Variants in SNX13 observed in about 807,000 individuals in gnomAD.
The protein encoded by SNX13 is sorting nexin-13.
SNX13 carries 45 observed loss-of-function variants against 133.6 expected under a neutral mutation model. The ratio of observed to expected loss-of-function variants is 0.34; its 90% CI spans 0.27 to 0.43. The LOEUF (loss-of-function observed/expected upper bound fraction) is 0.43. Among genes scored for constraint, SNX13 ranks in the 20% least tolerant of loss-of-function variants. The pLI is 1.00. For synonymous variants in SNX13, 414 were observed against 373.9 expected (o/e 1.11, Z -1.24); for missense variants, 1,032 against 1,145.1 (o/e 0.90, Z 1.43).
chr7:17,865,687 C>T (rs966525742), intron 9 of SNX13, among the ~76,000 whole-genome samples: 12 of 152,192 alleles, frequency 7.9e-5, no homozygotes, highest in African/African-American at 2.6e-4. Context: ...CAAAGCAATC[C>T]TAAGCAGAAA....
At chr7:17,809,282 C>CAAAAAAAAAAAAAAA (rs535077123) in intron 20 of SNX13, among the ~76,000 whole-genome samples, 50 of 49,282 alleles carry the variant, frequency 1.0e-3, no homozygotes, top group Admixed American at 1.6e-3. Flanking sequence ...AGATGGAAAG[C>CAAAAAAAAAAAAAAA]AAAAAAAAAA....
intron 9 of SNX13, among the ~76,000 whole-genome samples, chr7:17,858,025 A>G (rs1792136844): frequency 6.6e-6 from 1 of 152,190 alleles, no homozygotes; most frequent in Non-Finnish European, 1.5e-5. Flanking sequence ...GAAGGAAAAT[A>G]CCTCAACACA....
chr7:17,816,294 A>C lies in SNX13; in HGVS notation c.1846-5T>G. Reference sequence around the variant, plus strand: ...TATGCTTGAGAGACTTTCAAACTGTAAGACAAAATACATTCAATAGCACTT... The same window carrying C: ...TATGCTTGAGAGACTTTCAAACTGTCAGACAAAATACATTCAATAGCACTT... On this transcript the variant is annotated splice_polypyrimidine_tract_variant and splice_region_variant and intron_variant, in intron 18 of 25. Transcript: ENST00000428135. 2 of 1,535,654 alleles carry C rather than the reference A, an allele frequency of 1.3e-6. No individual in the cohort carries two copies. Among genetic ancestry groups the C allele is most frequent in the Non-Finnish European group, 1.8e-6 (2 of 1,139,334 alleles).
At chr7:17,862,542 A>G in intron 9 of SNX13, among the ~76,000 whole-genome samples, 1 of 152,168 alleles carries the variant, frequency 6.6e-6, no homozygotes, top group East Asian at 1.9e-4. Flanking sequence ...AAAGAATGGG[A>G]TATTTATCTA....
intron 18 of SNX13, 65 bp from the exon 19 acceptor site, chr7:17,816,354 T>G (rs992934201): frequency 1.3e-6 from 2 of 1,482,066 alleles, no homozygotes; most frequent in South Asian, 2.6e-5. Context: ...AAGTGATTAT[T>G]TCTCTACATA....
At chr7:17,891,462 G>T in intron 4 of SNX13, 84 bp downstream of exon 4, 2 of 948,098 alleles carry the variant, frequency 2.1e-6, no homozygotes, top group Non-Finnish European at 3.1e-6. Context: ...TATTTAAAGA[G>T]CAAAAAGTAT....
chr7:17,804,725 G>A (rs1365972929), intron 20 of SNX13, among the ~76,000 whole-genome samples: 10 of 149,716 alleles, frequency 6.7e-5, no homozygotes, highest in Non-Finnish European at 1.2e-4. Context: ...CAAAACTACA[G>A]AAATGTTTTC....
intron 9 of SNX13, 82 bp from the exon 10 acceptor site, chr7:17,851,046 G>A (rs542082322): frequency 2.5e-4 from 358 of 1,405,540 alleles, no homozygotes; most frequent in Non-Finnish European, 3.2e-4. Context: ...CCTACTATGT[G>A]CTAGGACAAT....
In SNX13 at chr7:17,793,940, C is replaced by G. The variant is rs1417440311; in HGVS notation, c.*105G>C. On this transcript the variant is annotated 3_prime_UTR_variant, in exon 26 of 26. Transcript: ENST00000428135. ...TGTATTAATAATCTATTTTGAGACACTAAAAGACTGGTGCAGACACAACAG... is the reference window on the plus strand; with the variant it reads ...TGTATTAATAATCTATTTTGAGACAGTAAAAGACTGGTGCAGACACAACAG... 1.6e-6 allele frequency: 2 copies of G among 1,289,940 alleles called. No individual in the cohort carries two copies. Among genetic ancestry groups the G allele is most frequent in the Non-Finnish European group, 2.1e-6 (2 of 940,218 alleles). 79.9% of individuals were successfully genotyped at this position (1,289,940 alleles called of 1,614,324 possible). A position where few individuals can be genotyped will look rare whatever the true frequency, so the allele number is the denominator to read the frequency against.
chr7:17,916,126 C>A (rs1799534021), intron 1 of SNX13, among the ~76,000 whole-genome samples: 1 of 151,952 alleles, frequency 6.6e-6, no homozygotes, highest in African/African-American at 2.4e-5. Flanking sequence ...AGGCCAAAAC[C>A]TCTGGGTTGC....
Position 17,875,731 on chromosome 7 carries a change from G to A in SNX13, c.500C>T (p.Thr167Ile), listed in dbSNP as rs903869802. The change falls in exon 6 of 26, where the codon ACA becomes ATA. Residue 167 changes from threonine to isoleucine, a missense_variant. By Grantham distance (89) the Thr-to-Ile change is moderately conservative (BLOSUM62 -1). Coordinates refer to ENST00000428135, the MANE Select transcript of SNX13 (RefSeq NM_015132.5). ...FTTRIVDDFG[T>I]HLRVFRKAQQ... ...AGCCTTTCTGAATACTCGTAAGTGT[G>A]TGCCAAAGTCATCTACAATGCGTGT... 1 of 1,612,490 alleles carries A rather than the reference G, an allele frequency of 6.2e-7. No individual in the cohort carries two copies. The highest frequency in any genetic ancestry group is 1.3e-5 in the African/African-American group (1 of 74,858).
intron 13 of SNX13, among the ~76,000 whole-genome samples, chr7:17,839,141 A>T (rs982695526): frequency 1.3e-5 from 2 of 149,558 alleles, no homozygotes; most frequent in Non-Finnish European, 3.0e-5. Flanking sequence ...AAAATAATCT[A>T]TACAATCATA....
intron 1 of SNX13, among the ~76,000 whole-genome samples, chr7:17,929,150 G>A (rs2128045271): frequency 1.3e-5 from 2 of 151,892 alleles, no homozygotes; most frequent in African/African-American, 4.8e-5. Context: ...ATACAGAAAG[G>A]AGAAAAAACA....
At position 17,794,355 on chromosome 7, in the gene SNX13, A is replaced by G. The variant is rs114135896; in HGVS notation, c.2627-63T>C. ...AGGAAACACAAGGCCTAAACTCTTA[A>G]ATGTTCTTAAATTAAGGTACACAGC... On this transcript the variant is annotated intron_variant, in intron 25 of 25. Coordinates refer to ENST00000428135, the MANE Select transcript of SNX13 (RefSeq NM_015132.5). 1.9e-3 allele frequency: 2,938 copies of G among 1,531,496 alleles called. 48 individuals carry two copies. In the African/African-American group the frequency reaches 0.035, roughly 18 times the overall value. 94.9% of individuals were successfully genotyped at this position (1,531,496 alleles called of 1,614,324 possible). A position where few individuals can be genotyped will look rare whatever the true frequency, so the allele number is the denominator to read the frequency against.
Position 17,890,502 on chromosome 7 carries a change from GAAA to G in SNX13, c.319-21_319-19del. On this transcript the variant is annotated intron_variant, in intron 4 of 25. Coordinates refer to ENST00000428135, the MANE Select transcript of SNX13 (RefSeq NM_015132.5). ...TGGATAACCTATAACAAAAATATTG[GAAA>G]AAAAATTACAACATTTTAGGATTTA... 6.6e-7 allele frequency: 1 copy of G among 1,515,560 alleles called. No individual in the cohort carries two copies. 93.9% of individuals were successfully genotyped at this position (1,515,560 alleles called of 1,614,324 possible).
At chr7:17,932,737 C>T (rs775382246) in intron 1 of SNX13, among the ~76,000 whole-genome samples, 5 of 152,200 alleles carry the variant, frequency 3.3e-5, no homozygotes, top group Non-Finnish European at 4.4e-5. Flanking sequence ...TGCAAGAAAT[C>T]CATTTCAGAG....
chr7:17,907,302 T>A (rs751869823), intron 1 of SNX13: 9 of 152,168 alleles, frequency 5.9e-5, no homozygotes, highest in Non-Finnish European at 4.4e-5. Flanking sequence ...TTTTCCACTA[T>A]AATTTTCTGG....
chr7:17,806,414 A>G (rs1267778383), intron 20 of SNX13, among the ~76,000 whole-genome samples: 1 of 152,250 alleles, frequency 6.6e-6, no homozygotes, highest in East Asian at 1.9e-4. Context: ...TTTAATAGCT[A>G]TTTAATTTCC....
rs138803010 is a variant in SNX13, at chr7:17,803,707, G to A, written c.2065-127C>T. On this transcript the variant is annotated intron_variant, in intron 20 of 25. Coordinates refer to ENST00000428135, the MANE Select transcript of SNX13 (RefSeq NM_015132.5). ...GTAATTTTCTGGTCTATATTATGTC[G>A]TTACATTTTAAAAGTACAGAAATGT... is the stretch of plus-strand genomic sequence containing the variant. The A allele has an allele frequency of 7.6e-4, 608 of 804,686 alleles. 5 individuals are homozygous for A. In the African/African-American group the frequency reaches 9.1e-3, roughly 12 times the overall value. The allele number at this position is 804,686 out of a possible 1,614,324, so 49.8% of individuals were successfully genotyped here.
Sources: gnomAD v4.1 joint callset for allele counts (sites outside exome capture counted in the v4.1 genomes callset) on GRCh38, gnomAD v4.1.1 for gene constraint, MANE v1.5 for transcripts, NCBI Gene and HGNC (gene_info 2026-07-23, HGNC 2026-07-21) for gene names.